Variants in CLDN14 observed in about 807,000 individuals in gnomAD.
The protein encoded by CLDN14 is claudin 14.
Under a neutral mutation model 2.1 loss-of-function variants are expected in CLDN14, and 2 were observed. That is an observed-to-expected ratio of 0.96 (90% CI 0.39 to 3.01). CLDN14 has a LOEUF of 3.01. Among genes scored for constraint, CLDN14 ranks in the 30% most tolerant of loss-of-function variants. The probability of loss-of-function intolerance (pLI) is 0.09; values close to 1 mark genes in which losing one functional copy is unlikely to be tolerated. For synonymous variants in CLDN14, 136 were observed against 154.4 expected (o/e 0.88, Z 0.88); for missense variants, 298 against 328.0 (o/e 0.91, Z 0.71).
intron 2 of CLDN14, among the ~76,000 whole-genome samples, chr21:36,494,082 C>T (rs148936127): frequency 1.3e-5 from 2 of 152,292 alleles, no homozygotes; most frequent in Non-Finnish European, 2.9e-5. Context: ...CAACTGGATT[C>T]GCAAAGAGCC....
At chr21:36,514,816 C>T (rs1179051826) in intron 1 of CLDN14, among the ~76,000 whole-genome samples, 4 of 151,982 alleles carry the variant, frequency 2.6e-5, no homozygotes, top group African/African-American at 9.6e-5. Context: ...TGCCTTGCCT[C>T]CAGCTTGAAA....
chr21:36,468,831 C>G (rs2086677830), intron 1 of CLDN14, among the ~76,000 whole-genome samples: 1 of 151,568 alleles, frequency 6.6e-6, no homozygotes, highest in South Asian at 2.1e-4. Context: ...ACGATCTTGG[C>G]TCAGTGCAAC....
chr21:36,534,617 T>A (rs760761135), intron 1 of CLDN14, among the ~76,000 whole-genome samples: 4 of 152,188 alleles, frequency 2.6e-5, no homozygotes, highest in South Asian at 2.1e-4. Flanking sequence ...CCCATCAAGA[T>A]GACGCACAGA....
chr21:36,488,972 T>C (rs1196634817), intron 2 of CLDN14, among the ~76,000 whole-genome samples: 1 of 151,276 alleles, frequency 6.6e-6, no homozygotes. Context: ...TAGCTGGGTG[T>C]GGTGGCATGC....
At chr21:36,481,958 G>A (rs1314091246), upstream of CLDN14, among the ~76,000 whole-genome samples, 4 of 152,146 alleles carry the variant, frequency 2.6e-5, no homozygotes, top group African/African-American at 9.7e-5. Context: ...CAGAGCGAGG[G>A]AAAATGAGGG....
chr21:36,513,683 G>GGCTCTGTGGCTGGGCTC (rs2087202319), intron 1 of CLDN14, among the ~76,000 whole-genome samples: 3 of 152,282 alleles, frequency 2.0e-5, no homozygotes, highest in African/African-American at 7.2e-5. Flanking sequence ...TGTGGCTGGG[G>GGCTCTGTGGCTGGGCTC]AGGCAGAGAA....
chr21:36,539,515 T>G (rs764793590), intron 1 of CLDN14, among the ~76,000 whole-genome samples: 2 of 144,846 alleles, frequency 1.4e-5, no homozygotes, highest in Non-Finnish European at 3.0e-5. Context: ...GTGGAGTGAG[T>G]GTATGCAGAG....
intron 1 of CLDN14, among the ~76,000 whole-genome samples, chr21:36,565,209 G>A (rs1221599259): frequency 6.6e-6 from 1 of 152,184 alleles, no homozygotes; most frequent in Non-Finnish European, 1.5e-5. Context: ...GAGAACAGAG[G>A]TTGGCTGCAC....
intron 1 of CLDN14, among the ~76,000 whole-genome samples, chr21:36,523,554 C>T (rs1214998215): frequency 6.6e-6 from 1 of 151,766 alleles, no homozygotes; most frequent in African/African-American, 2.4e-5. Flanking sequence ...TGAGACCAAC[C>T]TGGTCGACAT....
chr21:36,493,062 C>T (rs1033716359), intron 2 of CLDN14, among the ~76,000 whole-genome samples: 3 of 152,222 alleles, frequency 2.0e-5, no homozygotes, highest in Non-Finnish European at 4.4e-5. Context: ...AGACCATGAG[C>T]AGGACAGAAC....
chr21:36,478,508 A>G (rs1439077962), intron 1 of CLDN14, among the ~76,000 whole-genome samples: 10 of 152,222 alleles, frequency 6.6e-5, no homozygotes, highest in Non-Finnish European at 1.3e-4. Context: ...GGCGTATGCT[A>G]TGGAAGTTTT....
At chr21:36,486,381 G>T in intron 2 of CLDN14, 1 of 966,074 alleles carries the variant, frequency 1.0e-6, no homozygotes, top group Non-Finnish European at 1.7e-6. Flanking sequence ...AGCAGCAGAG[G>T]CTGCAGCTGC....
At chr21:36,556,901 C>T (rs569805789) in intron 1 of CLDN14, among the ~76,000 whole-genome samples, 19 of 152,320 alleles carry the variant, frequency 1.2e-4, no homozygotes, top group Admixed American at 7.8e-4. Flanking sequence ...AGAACTTAAT[C>T]ATCTTGCATA....
upstream of CLDN14, among the ~76,000 whole-genome samples, chr21:36,482,411 CGGATGGATGGATGGAT>C (rs75061949): frequency 4.2e-5 from 6 of 142,104 alleles, no homozygotes; most frequent in Admixed American, 7.0e-5. Context: ...GATGGATAGA[CGGATGGATGGATGGAT>C]GGATGGATGG....
chr21:36,522,975 G>A (rs774299342), intron 1 of CLDN14, among the ~76,000 whole-genome samples: 10 of 152,106 alleles, frequency 6.6e-5, no homozygotes, highest in Middle Eastern at 3.2e-3. Flanking sequence ...TGGCCCACAC[G>A]GAGGCAGGCA....
At chr21:36,547,012 G>A (rs766516701) in intron 1 of CLDN14, among the ~76,000 whole-genome samples, 8 of 152,152 alleles carry the variant, frequency 5.3e-5, no homozygotes, top group South Asian at 2.1e-4. Context: ...GCCCTACAAC[G>A]CACAGGACAA....
rs1016954164 is a variant in CLDN14 at position 36,544,170 on chromosome 21, G to A, written c.-220+32241C>T. Among the ~76,000 whole-genome samples the A allele has an allele frequency of 6.6e-6, 1 of 152,246 alleles. No individual in the cohort carries two copies. Among genetic ancestry groups the A allele is most frequent in the Non-Finnish European group, 1.5e-5 (1 of 68,044 alleles). On this transcript the variant is annotated intron_variant, in intron 1 of 2. Transcript: ENST00000342108. This position sits in a 1 kb window ranked among gnomAD's most constrained non-coding sequence, Gnocchi z 4.1. ...CCCAGGTTTCCATTACCATGGTGCT[G>A]CCTGCCAGCTTGGCAGGATCACACT...
intron 1 of CLDN14, among the ~76,000 whole-genome samples, chr21:36,539,668 T>G (rs746208846): frequency 3.5e-5 from 5 of 143,732 alleles, no homozygotes; most frequent in African/African-American, 1.3e-4. Context: ...AGTATGTGTG[T>G]AGTGAATATG....
intron 2 of CLDN14, among the ~76,000 whole-genome samples, chr21:36,489,131 A>AAAAAAAATATAT: frequency 3.2e-5 from 2 of 62,736 alleles, no homozygotes; most frequent in Non-Finnish European, 3.0e-5. Context: ...AAAAAAAAAA[A>AAAAAAAATATAT]ATATATATAT....
Sources: allele counts gnomAD v4.1 joint callset (sites outside exome capture counted in the v4.1 genomes callset), GRCh38; gene constraint gnomAD v4.1.1; non-coding constraint Gnocchi (gnomAD v3.1); transcripts MANE v1.5; gene names NCBI Gene and HGNC (gene_info 2026-07-23, HGNC 2026-07-21).